The following HELZ variants were observed in gnomAD, a reference collection of about 807,000 sequenced individuals.
The protein encoded by HELZ is ATP-dependent RNA helicase with zinc finger domain.
HELZ carries 23 observed loss-of-function variants against 218.2 expected under a neutral mutation model. The ratio of observed to expected loss-of-function variants is 0.11; its 90% CI spans 0.08 to 0.15. The LOEUF is 0.15. HELZ is among the 10% of genes least tolerant of loss of function. The pLI is 1.00. For missense variants in HELZ, 1,813 were observed against 2,353.7 expected (o/e 0.77, Z 4.75); for synonymous variants, 814 against 829.4 (o/e 0.98, Z 0.32).
chr17:67,103,356 A>C (rs181984107), intron 31 of HELZ, among the ~76,000 whole-genome samples: 55 of 152,338 alleles, frequency 3.6e-4, no homozygotes, highest in Admixed American at 7.2e-4. Context: ...CCATATAAAA[A>C]AGCCTAAGAT....
chr17:67,180,819 A>G (rs917057335), intron 12 of HELZ, among the ~76,000 whole-genome samples: 1 of 145,464 alleles, frequency 6.9e-6, no homozygotes, highest in African/African-American at 2.6e-5. Flanking sequence ...CGGAGCTTGC[A>G]GTGAGCGGAG....
chr17:67,089,239 G>A (rs915395643), intron 31 of HELZ, among the ~76,000 whole-genome samples: 1 of 152,060 alleles, frequency 6.6e-6, no homozygotes, highest in Admixed American at 6.6e-5. Flanking sequence ...AACTTTATAA[G>A]CCCCTTTTCA....
At chr17:67,146,039 G>A (rs1016810259) in intron 20 of HELZ, 149 bp from the exon 21 acceptor site, 39 of 694,768 alleles carry the variant, frequency 5.6e-5, no homozygotes, top group African/African-American at 9.2e-5. Flanking sequence ...GTGATACCAA[G>A]AATTTCTCCA....
chr17:67,161,161 A>T (rs2287127), intron 15 of HELZ, 85 bp from the exon 16 acceptor site: 327,821 of 979,996 alleles, frequency 0.33, 59,327 homozygotes, highest in East Asian at 0.68. Context: ...ATTTCAGTGA[A>T]CCATTAAAAC....
intron 16 of HELZ, 40 bp downstream of exon 16, chr17:67,160,857 T>G (rs929936078): frequency 6.9e-7 from 1 of 1,450,378 alleles, no homozygotes; most frequent in African/African-American, 1.4e-5. Flanking sequence ...AGAGGTAGTA[T>G]CCTACCAGGG....
intron 17 of HELZ, among the ~76,000 whole-genome samples, chr17:67,157,593 T>G (rs147731661): frequency 6.6e-5 from 10 of 152,284 alleles, no homozygotes; most frequent in African/African-American, 1.9e-4. Context: ...AAGTTCACAG[T>G]ATAAAATATA....
chr17:67,184,836 T>C (rs962634224), intron 12 of HELZ, among the ~76,000 whole-genome samples: 4 of 151,754 alleles, frequency 2.6e-5, no homozygotes, highest in Non-Finnish European at 4.4e-5. Flanking sequence ...AATAAATAAA[T>C]AAATAAATAA....
At chr17:67,100,970 C>T (rs1034344788) in intron 31 of HELZ, among the ~76,000 whole-genome samples, 26 of 151,794 alleles carry the variant, frequency 1.7e-4, no homozygotes, top group African/African-American at 6.0e-4. Flanking sequence ...ATTAGCTGGG[C>T]GCAGTGGTGG....
intron 21 of HELZ, among the ~76,000 whole-genome samples, chr17:67,140,741 T>G (rs1160064490): frequency 6.6e-6 from 1 of 152,168 alleles, no homozygotes; most frequent in African/African-American, 2.4e-5. Flanking sequence ...CAATGAACTT[T>G]GAGTAAGATA....
In HELZ at chr17:67,137,011, TTATC is replaced by T. The variant is rs537978368; in HGVS notation, c.2954-817_2954-814del. On this transcript the variant is annotated intron_variant, in intron 22 of 32. Transcript: ENST00000358691. ...GATACTATTGGAACCAACCTTAAAA[TTATC>T]TAGTCCCAGGTTCCACCCAATACAA... Among the ~76,000 whole-genome samples the T allele has an allele frequency of 2.0e-5, 3 of 152,210 alleles. No individual in the cohort carries two copies. In the East Asian group the frequency reaches 5.8e-4, roughly 29 times the overall value.
At chr17:67,175,170 C>T (rs1231047480) in intron 13 of HELZ, among the ~76,000 whole-genome samples, 1 of 152,136 alleles carries the variant, frequency 6.6e-6, no homozygotes, top group Non-Finnish European at 1.5e-5. Context: ...CAAAGATGTG[C>T]CCAAAGCCAA....
chr17:67,094,555 C>A (rs1007593921), intron 31 of HELZ, among the ~76,000 whole-genome samples: 1 of 152,034 alleles, frequency 6.6e-6, no homozygotes, highest in East Asian at 1.9e-4. Context: ...TTTTGGTTTT[C>A]CAGTGCATAT....
intron 19 of HELZ, among the ~76,000 whole-genome samples, chr17:67,149,591 A>C (rs952506925): frequency 1.3e-5 from 2 of 152,206 alleles, no homozygotes; most frequent in African/African-American, 2.4e-5. Context: ...CACAAAAAAA[A>C]GTAAGAATCA....
intron 17 of HELZ, among the ~76,000 whole-genome samples, chr17:67,159,713 T>C (rs533962023): frequency 6.6e-6 from 1 of 152,174 alleles, no homozygotes; most frequent in African/African-American, 2.4e-5. Context: ...CCTTTCTATA[T>C]CAACCTTAAA....
intron 31 of HELZ, among the ~76,000 whole-genome samples, chr17:67,103,948 C>T (rs2037008962): frequency 6.6e-6 from 1 of 152,202 alleles, no homozygotes. Flanking sequence ...CCAGCATCTA[C>T]AGTCAACTGA....
intron 3 of HELZ, among the ~76,000 whole-genome samples, chr17:67,229,925 C>T (rs2040991448): frequency 6.6e-6 from 1 of 152,188 alleles, no homozygotes; most frequent in East Asian, 1.9e-4. Flanking sequence ...CTAAGATCAT[C>T]AACCGTGGTC....
intron 3 of HELZ, among the ~76,000 whole-genome samples, chr17:67,223,477 G>A (rs1197460720): frequency 6.6e-6 from 1 of 151,376 alleles, no homozygotes; most frequent in African/African-American, 2.4e-5. Context: ...TTGGCCGGGC[G>A]TGGTGGCTCA....
chr17:67,244,103 C>A, intron 1 of HELZ: 1 of 523,852 alleles, frequency 1.9e-6, no homozygotes, highest in Non-Finnish European at 2.4e-6. Context: ...ACTGACCTTA[C>A]TTTCAAAAAC....
intron 17 of HELZ, 102 bp from the exon 18 acceptor site, chr17:67,151,326 A>G: frequency 1.1e-6 from 1 of 948,724 alleles, no homozygotes; most frequent in Non-Finnish European, 1.6e-6. Context: ...TAATATCTGA[A>G]AAGTTACAAA....
Sources: allele counts gnomAD v4.1 joint callset (sites outside exome capture counted in the v4.1 genomes callset), GRCh38; gene constraint gnomAD v4.1.1; transcripts MANE v1.5; gene names NCBI Gene and HGNC (gene_info 2026-07-23, HGNC 2026-07-21).